Variants in VWCE observed in about 807,000 individuals in gnomAD.
VWCE encodes the protein von Willebrand factor C and EGF domains, also known as von Willebrand factor C and EGF domain-containing protein.
VWCE carries 68 observed loss-of-function variants against 102.9 expected under a neutral mutation model. That is an observed-to-expected ratio of 0.66 (90% CI 0.54 to 0.81). The LOEUF is 0.81. VWCE is among the 30% of genes least tolerant of loss of function. VWCE has a pLI of 0.00. For missense variants in VWCE, 1,137 were observed against 1,263.6 expected (o/e 0.90, Z 1.52); for synonymous variants, 497 against 515.4 (o/e 0.96, Z 0.48).
At chr11:61,293,216 G>A (rs1304771066) in intron 1 of VWCE, among the ~76,000 whole-genome samples, 2 of 136,150 alleles carry the variant, frequency 1.5e-5, no homozygotes, top group African/African-American at 6.5e-5. Context: ...ACTCCAGCCT[G>A]GGCAACAAGA....
intron 16 of VWCE, among the ~76,000 whole-genome samples, chr11:61,266,186 G>C (rs574667845): frequency 2.0e-5 from 3 of 152,188 alleles, no homozygotes; most frequent in Non-Finnish European, 4.4e-5. Flanking sequence ...AACAGAGCAA[G>C]ATCCTGTCTC....
chr11:61,268,986 G>T lies in VWCE; in HGVS notation c.1818C>A (p.Asp606Glu). ...TCGGGTGAGGGCAGGAGTCCACACA[G>T]TCTGTCCTCTTGCAGCTCACCGAGC... ...ADGSVSCKRTDCVDSCPHPIR... is the reference protein window; with the variant it reads ...ADGSVSCKRTECVDSCPHPIR... Residue 606 changes from aspartate (D) to glutamate (E), a missense_variant, in exon 15 of 20, where the codon GAC becomes GAA. Asp to Glu is a conservative substitution (Grantham distance 45). Transcript: ENST00000335613. 6.2e-7 allele frequency: 1 copy of T among 1,614,100 alleles called. No individual in the cohort carries two copies. The highest frequency in any genetic ancestry group is 8.5e-7 in the Non-Finnish European group (1 of 1,180,040).
At chr11:61,276,504 G>T in intron 11 of VWCE, 89 bp downstream of exon 11, 2 of 1,008,630 alleles carry the variant, frequency 2.0e-6, no homozygotes, top group Non-Finnish European at 2.7e-6. Context: ...GACCACCTGA[G>T]GCTCAACACC....
chr11:61,271,749 C>A lies in VWCE; in HGVS notation c.1711G>T (p.Asp571Tyr). 1 of 1,613,396 alleles carries A rather than the reference C, an allele frequency of 6.2e-7. No individual in the cohort carries two copies. The highest frequency in any genetic ancestry group is 8.5e-7 in the Non-Finnish European group (1 of 1,179,698). ...EPTPSTGCSL[D>Y]DNGVEFPIGQ... ...ATCGGAAACTCAACCCCGTTGTCGT[C>A]AAGAGAGCAGCCTGGATGAGGACAA... The change falls in exon 14 of 20, where the codon GAC (aspartate) becomes TAC (tyrosine). Residue 571 changes from aspartate to tyrosine, a missense_variant. Asp to Tyr is a radical substitution (Grantham distance 160). Around this residue, in one of 5 missense-constraint regions of VWCE, gnomAD observed 212 missense variants for 235.1 expected, o/e 0.90. Coordinates refer to ENST00000335613, the MANE Select transcript of VWCE (RefSeq NM_152718.2).
In VWCE at chr11:61,264,529, C is replaced by T. The variant is rs757997293; in HGVS notation, c.2188G>A (p.Asp730Asn). Residue 730 changes from aspartate (D) to asparagine (N), a missense_variant, in exon 19 of 20, where the codon GAC (aspartate) becomes AAC (asparagine). By Grantham distance (23) the Asp-to-Asn change is conservative. This residue lies in a region of VWCE where 316 missense variants were observed against 319.3 expected (regional missense o/e 0.99). Coordinates refer to ENST00000335613, the MANE Select transcript of VWCE (RefSeq NM_152718.2). ...EKVPCQRACA[D>N]PALLPGDCCS... The stretch of plus-strand genomic sequence containing the variant: ...CAGTCCCCAGGAAGCAGGGCAGGGT[C>T]GGCACAGGCCCGCTGGCAGGGAACC... 1.7e-5 allele frequency: 28 copies of T among 1,613,312 alleles called. No individual in the cohort carries two copies. Among genetic ancestry groups the T allele is most frequent in the Non-Finnish European group, 2.2e-5 (26 of 1,179,798 alleles).
intron 5 of VWCE, among the ~76,000 whole-genome samples, chr11:61,284,357 C>T (rs1222666530): frequency 6.6e-6 from 1 of 152,104 alleles, no homozygotes; most frequent in Non-Finnish European, 1.5e-5. Context: ...GGAGAAAATG[C>T]GTGTAAAGTG....
At chr11:61,288,152 T>C (rs1855392707) in intron 4 of VWCE, among the ~76,000 whole-genome samples, 1 of 102,774 alleles carries the variant, frequency 9.7e-6, no homozygotes, top group Non-Finnish European at 1.7e-5. Flanking sequence ...TGAGACTCTG[T>C]CTCAAAAAAA....
chr11:61,265,425 C>T (rs955833076), intron 16 of VWCE, among the ~76,000 whole-genome samples: 1 of 152,200 alleles, frequency 6.6e-6, no homozygotes, highest in Non-Finnish European at 1.5e-5. Flanking sequence ...AGAACATGGA[C>T]TTGTCCACGG....
rs1348664569 is a variant in VWCE, at chr11:61,281,768, G to A, written c.787+18C>T. On this transcript the variant is annotated intron_variant, in intron 7 of 19. Coordinates refer to ENST00000335613, the MANE Select transcript of VWCE (RefSeq NM_152718.2). The stretch of plus-strand genomic sequence containing the variant: ...GGGGGCGTGGCCAGCCGCCGGGATG[G>A]AGGGGCCTGGCGCTCACCTTCACAG... 1.9e-6 allele frequency: 3 copies of A among 1,599,570 alleles called. No homozygotes were observed. The highest frequency in any genetic ancestry group is 2.6e-6 in the Non-Finnish European group (3 of 1,170,800).
chr11:61,281,800 CG>C lies in VWCE; in HGVS notation c.772del (p.Arg258AlafsTer107). 6.2e-7 allele frequency: 1 copy of C among 1,612,880 alleles called. No individual in the cohort carries two copies. The highest frequency in any genetic ancestry group is 8.5e-7 in the Non-Finnish European group (1 of 1,179,408). ...CRPGFRLRADRVSCEAFPKAV... is the reference protein window; with the variant it reads ...CRPGFRLRADXVSCEAFPKAV... ...CTGGCGCTCACCTTCACAGGACACG[CG>C]GTCAGCTCGGAGCCTGAAGCCAGGT... is the stretch of plus-strand genomic sequence containing the variant. On this transcript the variant is annotated frameshift_variant, in exon 7 of 20. Transcript: ENST00000335613. LOFTEE classifies it high-confidence loss of function.
intron 11 of VWCE, among the ~76,000 whole-genome samples, chr11:61,275,303 C>T (rs536851685): frequency 6.6e-6 from 1 of 152,230 alleles, no homozygotes; most frequent in Non-Finnish European, 1.5e-5. Context: ...TTAGAAACTG[C>T]CCAGGCCCAC....
chr11:61,278,240 T>TCTACC (rs1854990148), intron 10 of VWCE, among the ~76,000 whole-genome samples, 154 bp downstream of exon 10: 1 of 152,186 alleles, frequency 6.6e-6, no homozygotes, highest in South Asian at 2.1e-4. Context: ...CTCCCCCTTT[T>TCTACC]AAATTCTACA....
At position 61,276,628 on chromosome 11, in the gene VWCE, G is replaced by C. The variant is rs763939813; in HGVS notation, c.1460C>G (p.Thr487Ser). The change falls in exon 11 of 20, where the codon ACC becomes AGC. Residue 487 changes from threonine to serine, a missense_variant. Transcript: ENST00000335613. ...SPECPSGPCQ[T>S]PPQTDCCTCV... ...AGTACAGCAATCCGTCTGTGGGGGGGTCTGACAGGGGCCAGAAGGACACTC... is the reference window on the plus strand; with the variant it reads ...AGTACAGCAATCCGTCTGTGGGGGGCTCTGACAGGGGCCAGAAGGACACTC... 1 of 1,607,038 alleles carries C rather than the reference G, an allele frequency of 6.2e-7. No individual in the cohort carries two copies. The highest frequency in any genetic ancestry group is 1.3e-5 in the African/African-American group (1 of 74,316).
chr11:61,290,511 C>CAAA (rs35585461), intron 4 of VWCE, among the ~76,000 whole-genome samples: 7 of 50,418 alleles, frequency 1.4e-4, no homozygotes, highest in African/African-American at 3.9e-4. Flanking sequence ...AACTTCGTCT[C>CAAA]AAAAAAAAAA....
At chr11:61,286,472 A>G (rs1855330599) in intron 4 of VWCE, 42 bp from the exon 5 acceptor site, 1 of 1,555,042 alleles carries the variant, frequency 6.4e-7, no homozygotes, top group Non-Finnish European at 8.8e-7. Flanking sequence ...TGGTCCTCGC[A>G]AGAGGAACTT....
intron 16 of VWCE, among the ~76,000 whole-genome samples, chr11:61,266,057 AT>A (rs1040541727): frequency 2.0e-5 from 3 of 151,832 alleles, no homozygotes; most frequent in African/African-American, 4.8e-5. Flanking sequence ...AAAAAAAAAA[AT>A]AAAATAAAAT....
At chr11:61,266,028 G>A (rs952955435) in intron 16 of VWCE, among the ~76,000 whole-genome samples, 2 of 151,354 alleles carry the variant, frequency 1.3e-5, no homozygotes, top group African/African-American at 4.8e-5. Flanking sequence ...CCTGGCGACA[G>A]AGTGAGACTC....
At chr11:61,267,288 T>C (rs900465795) in intron 16 of VWCE, among the ~76,000 whole-genome samples, 174 bp downstream of exon 16, 14 of 152,052 alleles carry the variant, frequency 9.2e-5, no homozygotes, top group Admixed American at 8.5e-4. Context: ...AAAAAATTTC[T>C]CTGGCCCTGT....
intron 15 of VWCE, among the ~76,000 whole-genome samples, chr11:61,268,478 C>T (rs774233378): frequency 2.0e-5 from 3 of 152,130 alleles, no homozygotes; most frequent in East Asian, 1.9e-4. Context: ...CACTTGAACC[C>T]GGGAGGTGGA....
Sources: gnomAD v4.1 joint callset for allele counts (sites outside exome capture counted in the v4.1 genomes callset) on GRCh38, gnomAD v4.1.1 for gene constraint, gnomAD v4.1.1 regional missense constraint, MANE v1.5 for transcripts, NCBI Gene and HGNC (gene_info 2026-07-23, HGNC 2026-07-21) for gene names.